Variants in TATDN1 observed in about 807,000 individuals in gnomAD.
TATDN1 encodes the protein TatD DNase domain containing 1.
Under a neutral mutation model 46.4 loss-of-function variants are expected in TATDN1, and 40 were observed. The observed-to-expected ratio is 0.86, with a 90% confidence interval of 0.67 to 1.12. The LOEUF is 1.12. Among genes scored for constraint, TATDN1 ranks in the 50% most tolerant of loss-of-function variants. TATDN1 has a pLI of 0.00. For missense variants in TATDN1, 326 were observed against 348.4 expected (o/e 0.94, Z 0.51); for synonymous variants, 95 against 105.6 (o/e 0.90, Z 0.62).
intron 1 of TATDN1, among the ~76,000 whole-genome samples, chr8:124,529,298 C>A (rs934363206): frequency 6.6e-6 from 1 of 152,204 alleles, no homozygotes; most frequent in Non-Finnish European, 1.5e-5. Flanking sequence ...AAAGACTTTT[C>A]AAATCATATC....
rs552262444 is a variant in TATDN1, at chr8:124,527,717, A to T, written c.23-4715T>A. ...CTTTTATTTCATGTTTCCCCATTTT[A>T]GCCACGATCTGCTGCAAGCAGCACC... On this transcript the variant is annotated intron_variant, in intron 1 of 11. Transcript: ENST00000276692. Among the ~76,000 whole-genome samples, 15 of 151,956 alleles carry T rather than the reference A, an allele frequency of 9.9e-5. No individual in the cohort carries two copies. In the South Asian group the frequency reaches 3.1e-3, roughly 32 times the overall value.
At chr8:124,499,550 T>C (rs1817759391) in intron 9 of TATDN1, among the ~76,000 whole-genome samples, 1 of 152,128 alleles carries the variant, frequency 6.6e-6, no homozygotes, top group African/African-American at 2.4e-5. Context: ...ATCTTCCCAT[T>C]TTCTTTTTTT....
Position 124,493,979 on chromosome 8 carries a change from G to C in TATDN1, c.665-20C>G, listed in dbSNP as rs1459237990. On this transcript the variant is annotated intron_variant, in intron 10 of 11. Coordinates refer to ENST00000276692, the MANE Select transcript of TATDN1 (RefSeq NM_032026.4). ...GTGCATCTAGTTAAGCAAAGAAAGT[G>C]TCTCGTAAGGGGTTTACATTTTTAA... 2 of 1,589,836 alleles carry C rather than the reference G, an allele frequency of 1.3e-6. No individual in the cohort carries two copies. The highest frequency in any genetic ancestry group is 1.7e-6 in the Non-Finnish European group (2 of 1,172,010).
chr8:124,533,419 G>A (rs79937908), intron 1 of TATDN1, among the ~76,000 whole-genome samples: 4,484 of 152,186 alleles, frequency 0.029, 115 homozygotes, highest in Non-Finnish European at 0.042. Context: ...CATATACAAC[G>A]AGAGGGGATC....
At chr8:124,508,281 G>A (rs1318732893) in intron 8 of TATDN1, among the ~76,000 whole-genome samples, 193 bp downstream of exon 8, 2 of 152,108 alleles carry the variant, frequency 1.3e-5, no homozygotes, top group Non-Finnish European at 2.9e-5. Context: ...ACACCCTGAA[G>A]GTAAATATTT....
At chr8:124,502,296 G>A (rs958837421) in intron 9 of TATDN1, among the ~76,000 whole-genome samples, 11 of 149,478 alleles carry the variant, frequency 7.4e-5, no homozygotes, top group Admixed American at 1.3e-4. Flanking sequence ...AGCCAAGATC[G>A]CGCCACTGCA....
intron 11 of TATDN1, among the ~76,000 whole-genome samples, chr8:124,492,729 G>A (rs1462137517): frequency 2.0e-5 from 3 of 147,664 alleles, no homozygotes; most frequent in African/African-American, 7.5e-5. Context: ...ACTCCAGCCT[G>A]GGCAACAGAG....
chr8:124,509,054 G>A (rs1818782199), intron 6 of TATDN1, among the ~76,000 whole-genome samples: 1 of 152,122 alleles, frequency 6.6e-6, no homozygotes, highest in Non-Finnish European at 1.5e-5. Context: ...TTTTTTATGT[G>A]CTGTTATAAA....
At chr8:124,532,572 C>T (rs1213241613) in intron 1 of TATDN1, among the ~76,000 whole-genome samples, 1 of 152,252 alleles carries the variant, frequency 6.6e-6, no homozygotes, top group Non-Finnish European at 1.5e-5. Context: ...GCGTGAGCCA[C>T]TGCACCTGGC....
intron 3 of TATDN1, 38 bp downstream of exon 3, chr8:124,522,112 GA>G: frequency 6.9e-7 from 1 of 1,454,810 alleles, no homozygotes; most frequent in Non-Finnish European, 9.5e-7. Flanking sequence ...GTTAAAAAAT[GA>G]ATTTTAAAAA....
At chr8:124,536,209 G>T (rs1303855478) in intron 1 of TATDN1, among the ~76,000 whole-genome samples, 2 of 152,170 alleles carry the variant, frequency 1.3e-5, no homozygotes, top group East Asian at 3.8e-4. Flanking sequence ...ATAACACCCA[G>T]GGAATAGAAT....
intron 4 of TATDN1, 180 bp downstream of exon 4, chr8:124,518,638 A>T (rs1452156861): frequency 1.7e-6 from 1 of 578,338 alleles, no homozygotes; most frequent in Non-Finnish European, 3.1e-6. Context: ...TTTTATAAAC[A>T]TCTGATATAC....
intron 4 of TATDN1, 27 bp from the exon 5 acceptor site, chr8:124,516,057 AT>A: frequency 1.9e-6 from 3 of 1,547,096 alleles, no homozygotes; most frequent in Non-Finnish European, 2.6e-6. Context: ...TCTTAGGATT[AT>A]TTTCAAAGTA....
At chr8:124,508,741 G>A in intron 6 of TATDN1, 53 bp from the exon 7 acceptor site, 2 of 1,168,420 alleles carry the variant, frequency 1.7e-6, no homozygotes, top group South Asian at 1.6e-5. Flanking sequence ...TTTAGCATGA[G>A]GAAGGTAATG....
chr8:124,532,779 G>C (rs1236377770), intron 1 of TATDN1, among the ~76,000 whole-genome samples: 1 of 152,308 alleles, frequency 6.6e-6, no homozygotes, highest in Non-Finnish European at 1.5e-5. Flanking sequence ...CAGTTGGCTG[G>C]GGGCCTGATT....
At chr8:124,490,635 A>G (rs1424643531) in intron 11 of TATDN1, among the ~76,000 whole-genome samples, 1 of 152,244 alleles carries the variant, frequency 6.6e-6, no homozygotes, top group Non-Finnish European at 1.5e-5. Context: ...TGCTATTTCC[A>G]TACATCTTCA....
chr8:124,518,660 T>A (rs186649269), intron 4 of TATDN1, 158 bp downstream of exon 4: 211 of 611,544 alleles, frequency 3.5e-4, no homozygotes, highest in African/African-American at 2.8e-3. Context: ...AATGAGTACT[T>A]TGAATTTTGT....
chr8:124,536,643 C>T (rs1358964615), intron 1 of TATDN1, among the ~76,000 whole-genome samples: 2 of 152,158 alleles, frequency 1.3e-5, no homozygotes, highest in African/African-American at 4.8e-5. Context: ...TTACAATGGT[C>T]AGCTGTCTTA....
chr8:124,515,568 C>T (rs1263792741), intron 6 of TATDN1, among the ~76,000 whole-genome samples, 178 bp downstream of exon 6: 1 of 152,168 alleles, frequency 6.6e-6, no homozygotes, highest in African/African-American at 2.4e-5. Flanking sequence ...TATGTGCTTC[C>T]ATCCCTTATG....
Sources: allele counts gnomAD v4.1 joint callset (sites outside exome capture counted in the v4.1 genomes callset), GRCh38; gene constraint gnomAD v4.1.1; transcripts MANE v1.5; gene names NCBI Gene and HGNC (gene_info 2026-07-23, HGNC 2026-07-21).